Variants in GRM8 observed in about 807,000 individuals in gnomAD.
GRM8 encodes the protein glutamate metabotropic receptor 8, also known as metabotropic glutamate receptor 8.
A neutral mutation model predicts 87.2 loss-of-function variants in GRM8; 47 were observed. That is an observed-to-expected ratio of 0.54 (90% confidence interval 0.43 to 0.69). The LOEUF is 0.69. Ranked by LOEUF, GRM8 falls within the 30% of genes least tolerant of loss-of-function variation. The probability of loss-of-function intolerance (pLI) is 0.00; values close to 1 mark genes in which losing one functional copy is unlikely to be tolerated. For missense variants in GRM8, 1,019 were observed against 1,139.2 expected (o/e 0.89, Z 1.52); for synonymous variants, 396 against 404.5 (o/e 0.98, Z 0.25).
At chr7:126,643,108 T>C (rs930362521) in intron 7 of GRM8, among the ~76,000 whole-genome samples, 1 of 150,956 alleles carries the variant, frequency 6.6e-6, no homozygotes, top group African/African-American at 2.4e-5. Flanking sequence ...CTGGGCAACA[T>C]GGCAAGACCC....
At chr7:127,251,960 G>T (rs982509486) in intron 1 of GRM8, among the ~76,000 whole-genome samples, 2 of 152,150 alleles carry the variant, frequency 1.3e-5, no homozygotes, top group Non-Finnish European at 2.9e-5. Context: ...GCGGGGATGT[G>T]GGTGTCGAGG....
At chr7:126,837,277 G>A (rs947549242) in intron 6 of GRM8, among the ~76,000 whole-genome samples, 41 of 152,044 alleles carry the variant, frequency 2.7e-4, no homozygotes, top group African/African-American at 8.2e-4. Flanking sequence ...CAAAATCTTC[G>A]TTAAGACTAT....
At chr7:127,040,012 AGGGGAGGG>A (rs1818254249) in intron 3 of GRM8, among the ~76,000 whole-genome samples, 2 of 46,012 alleles carry the variant, frequency 4.3e-5, no homozygotes, top group Non-Finnish European at 8.6e-5. Context: ...GTGAGGAGGG[AGGGGAGGG>A]TGAGGAGGGA....
chr7:127,095,537 C>T (rs1824565759), intron 3 of GRM8: 1 of 152,182 alleles, frequency 6.6e-6, no homozygotes, highest in Non-Finnish European at 1.5e-5. Context: ...AAACATTTCT[C>T]ATATATTACA....
chr7:126,906,689 C>G (rs1276972860), intron 3 of GRM8, among the ~76,000 whole-genome samples: 1 of 152,164 alleles, frequency 6.6e-6, no homozygotes, highest in Non-Finnish European at 1.5e-5. Context: ...CTAATATGTA[C>G]AGCAGATGTA....
At chr7:127,090,683 C>T (rs1351909819) in intron 3 of GRM8, among the ~76,000 whole-genome samples, 1 of 150,440 alleles carries the variant, frequency 6.6e-6, no homozygotes, top group Non-Finnish European at 1.5e-5. Context: ...TGATTCCCGG[C>T]TCTCCTTCCT....
At chr7:126,815,090 A>G (rs1793660492) in intron 6 of GRM8, among the ~76,000 whole-genome samples, 1 of 152,136 alleles carries the variant, frequency 6.6e-6, no homozygotes, top group Non-Finnish European at 1.5e-5. Context: ...GAAGACAGTA[A>G]TAGAGATTCA....
intron 9 of GRM8, among the ~76,000 whole-genome samples, chr7:126,450,951 G>A (rs1223727316): frequency 6.6e-6 from 1 of 151,770 alleles, no homozygotes; most frequent in African/African-American, 2.4e-5. Flanking sequence ...CAAGCTTCAT[G>A]GGTGTGCACT....
intron 3 of GRM8, among the ~76,000 whole-genome samples, chr7:127,105,635 G>GA (rs1303548949): frequency 1.4e-4 from 22 of 151,988 alleles, no homozygotes; most frequent in Middle Eastern, 3.4e-3. Context: ...CAAAATTACT[G>GA]AAAAAAATCA....
intron 6 of GRM8, among the ~76,000 whole-genome samples, chr7:126,844,697 A>T (rs1057414692): frequency 6.6e-6 from 1 of 152,046 alleles, no homozygotes; most frequent in Non-Finnish European, 1.5e-5. Flanking sequence ...TTCTGGGGAG[A>T]GCTCTCTTTC....
intron 2 of GRM8, among the ~76,000 whole-genome samples, chr7:127,164,555 A>T (rs1408440169): frequency 6.6e-6 from 1 of 152,152 alleles, no homozygotes; most frequent in East Asian, 1.9e-4. Flanking sequence ...TTCTTTTGAA[A>T]CTTGAACAAT....
intron 7 of GRM8, among the ~76,000 whole-genome samples, chr7:126,634,409 A>T (rs141015114): frequency 6.6e-6 from 1 of 152,072 alleles, no homozygotes; most frequent in African/African-American, 2.4e-5. Flanking sequence ...TCATTCATCA[A>T]CTGAATGGGT....
intron 2 of GRM8, 132 bp from the exon 3 acceptor site, chr7:127,106,844 T>G: frequency 1.5e-6 from 1 of 652,352 alleles, no homozygotes; most frequent in Admixed American, 2.6e-5. Context: ...TACAGTTTTA[T>G]GACTACCAAT....
intron 1 of GRM8, among the ~76,000 whole-genome samples, chr7:127,247,110 T>C (rs1028242611): frequency 6.6e-6 from 1 of 152,184 alleles, no homozygotes; most frequent in Non-Finnish European, 1.5e-5. Flanking sequence ...ACTAACATAT[T>C]AATTAGGAAG....
At chr7:127,033,096 T>C (rs1817535615) in intron 3 of GRM8, among the ~76,000 whole-genome samples, 1 of 151,682 alleles carries the variant, frequency 6.6e-6, no homozygotes, top group Non-Finnish European at 1.5e-5. Context: ...GTTATTTTTG[T>C]CTCCTGGTCT....
At chr7:126,478,936 T>G (rs1806323015) in intron 9 of GRM8, among the ~76,000 whole-genome samples, 1 of 152,106 alleles carries the variant, frequency 6.6e-6, no homozygotes, top group African/African-American at 2.4e-5. Context: ...GCCATTTTTA[T>G]AATTAAATAT....
chr7:126,457,928 T>A (rs1332687885), intron 9 of GRM8, among the ~76,000 whole-genome samples: 1 of 150,658 alleles, frequency 6.6e-6, no homozygotes, highest in Non-Finnish European at 1.5e-5. Context: ...AGACATAAAT[T>A]ACCAATAATT....
chr7:126,784,782 A>C (rs990371662), intron 6 of GRM8, among the ~76,000 whole-genome samples: 1 of 152,168 alleles, frequency 6.6e-6, no homozygotes, highest in Non-Finnish European at 1.5e-5. Flanking sequence ...TAACCTGCCC[A>C]TTATTATAGA....
chr7:126,473,066 T>C (rs1036558006), intron 9 of GRM8, among the ~76,000 whole-genome samples: 4 of 152,122 alleles, frequency 2.6e-5, no homozygotes, highest in African/African-American at 9.7e-5. Context: ...TAAGGCAGTA[T>C]GGAAGGAAAA....
Sources: allele counts gnomAD v4.1 joint callset (sites outside exome capture counted in the v4.1 genomes callset), GRCh38; gene constraint gnomAD v4.1.1; transcripts MANE v1.5; gene names NCBI Gene and HGNC (gene_info 2026-07-23, HGNC 2026-07-21).